CACNA1C: variants seen among roughly 807,000 people sequenced by gnomAD.
CACNA1C encodes the protein calcium voltage-gated channel subunit alpha1 C, also known as voltage-dependent L-type calcium channel subunit alpha-1C.
A neutral mutation model predicts 229.0 loss-of-function variants in CACNA1C; 30 were observed. The observed-to-expected ratio is 0.13, with a 90% CI of 0.10 to 0.18. The LOEUF (loss-of-function observed/expected upper bound fraction) is 0.18. Ranked by LOEUF, CACNA1C falls within the 10% of genes least tolerant of loss-of-function variation. The probability of loss-of-function intolerance (pLI) is 1.00; values close to 1 mark genes in which losing one functional copy is unlikely to be tolerated. For synonymous variants in CACNA1C, 1,114 were observed against 1,132.5 expected (o/e 0.98, Z 0.33); for missense variants, 1,658 against 2,845.0 (o/e 0.58, Z 9.49).
At position 2,692,617 on chromosome 12, in the gene CACNA1C, CATTTA is replaced by C. The variant is rs1211175169; in HGVS notation, c.*1420_*1424del. The C allele has an allele frequency of 1.1e-4, 17 of 152,570 alleles. No homozygotes were observed. The highest frequency in any genetic ancestry group is 9.8e-4 in the Admixed American group (15 of 15,276). The allele number at this position is 152,570 out of a possible 1,614,324, so 9.5% of individuals were successfully genotyped here. ...TATGCAAAAACAATGCAATAATATTCATTTAAAAATACAATTGTGAGTTGTGTTGG... is the reference window on the plus strand; with the variant it reads ...TATGCAAAAACAATGCAATAATATTCAAAATACAATTGTGAGTTGTGTTGG... On this transcript the variant is annotated 3_prime_UTR_variant, in exon 47 of 47. Transcript: ENST00000399655.
chr12:2,022,615 T>C (rs2046656440), intron 1 of CACNA1C, among the ~76,000 whole-genome samples: 1 of 151,748 alleles, frequency 6.6e-6, no homozygotes, highest in African/African-American at 2.4e-5. Context: ...AGCTAATTTT[T>C]GTATTTTTTG....
intron 3 of CACNA1C, among the ~76,000 whole-genome samples, chr12:2,260,134 T>TG (rs1336764165): frequency 6.6e-6 from 1 of 152,134 alleles, no homozygotes; most frequent in African/African-American, 2.4e-5. Flanking sequence ...AATTCCCTGC[T>TG]GTGGGGGGCA....
At chr12:2,098,013 A>G (rs970667942) in intron 1 of CACNA1C, among the ~76,000 whole-genome samples, 1 of 152,184 alleles carries the variant, frequency 6.6e-6, no homozygotes, top group Admixed American at 6.5e-5. Flanking sequence ...TCCTCATTCT[A>G]TGGAAGAGAT....
At chr12:2,109,837 C>T (rs1345287307) in intron 1 of CACNA1C, among the ~76,000 whole-genome samples, 4 of 152,158 alleles carry the variant, frequency 2.6e-5, no homozygotes, top group African/African-American at 9.7e-5. Context: ...CCCATGGTTA[C>T]ATCCAAGAAA....
chr12:2,224,480 C>G (rs895502701), intron 3 of CACNA1C, among the ~76,000 whole-genome samples: 3 of 152,226 alleles, frequency 2.0e-5, no homozygotes, highest in African/African-American at 7.2e-5. Flanking sequence ...TGTACATGAG[C>G]TCCCACATTC....
chr12:2,477,927 A>C lies in CACNA1C; in HGVS notation c.758-8177A>C, dbSNP rs368610930. Among the ~76,000 whole-genome samples, 4 of 152,028 alleles carry C rather than the reference A, an allele frequency of 2.6e-5. No individual in the cohort carries two copies. The East Asian group carries it at 7.7e-4, about 29-fold the overall frequency. ...GTGGGACAACCTCGTAGAAATATCT[A>C]GTAGGCTTATGAAGCATGTCTTGAA... On this transcript the variant is annotated intron_variant, in intron 5 of 46. Transcript: ENST00000399655.
intron 34 of CACNA1C, 99 bp from the exon 35 acceptor site, chr12:2,664,726 C>T: frequency 1.0e-6 from 1 of 972,010 alleles, no homozygotes; most frequent in Non-Finnish European, 1.4e-6. Flanking sequence ...GTAACTCCCT[C>T]TGGGGAAGGA....
chr12:2,349,175 T>C (rs1428496243), intron 3 of CACNA1C, among the ~76,000 whole-genome samples: 1 of 152,186 alleles, frequency 6.6e-6, no homozygotes, highest in African/African-American at 2.4e-5. Flanking sequence ...TCTGCTCTAA[T>C]AGCATGTTCC....
chr12:2,347,172 T>C (rs2097064366), intron 3 of CACNA1C, among the ~76,000 whole-genome samples: 1 of 152,206 alleles, frequency 6.6e-6, no homozygotes, highest in Admixed American at 6.5e-5. Flanking sequence ...GCCATGTGTA[T>C]GCAGCTAGCA....
chr12:2,416,103 C>T (rs1317154390), intron 3 of CACNA1C, among the ~76,000 whole-genome samples: 1 of 152,192 alleles, frequency 6.6e-6, no homozygotes, highest in Non-Finnish European at 1.5e-5. Flanking sequence ...GCTCCAGTGC[C>T]TCCTTCTCAG....
At chr12:2,360,515 C>G (rs868421637) in intron 3 of CACNA1C, among the ~76,000 whole-genome samples, 1 of 152,336 alleles carries the variant, frequency 6.6e-6, no homozygotes, top group African/African-American at 2.4e-5. Flanking sequence ...TGGACTTCAC[C>G]AGCAGTCACT....
intron 3 of CACNA1C, among the ~76,000 whole-genome samples, chr12:2,205,579 G>A (rs1014907648): frequency 2.6e-5 from 4 of 152,200 alleles, no homozygotes; most frequent in Non-Finnish European, 4.4e-5. Flanking sequence ...TAAACTGCAT[G>A]AGTTGGGGTC....
chr12:2,580,949 G>A (rs1186715637), intron 13 of CACNA1C, among the ~76,000 whole-genome samples: 3 of 152,200 alleles, frequency 2.0e-5, no homozygotes, highest in African/African-American at 7.2e-5. Flanking sequence ...AATCTCAAGA[G>A]GAAAGGCCCT....
intron 3 of CACNA1C, among the ~76,000 whole-genome samples, chr12:2,211,837 G>A (rs1188099224): frequency 6.7e-6 from 1 of 150,142 alleles, no homozygotes; most frequent in Non-Finnish European, 1.5e-5. Context: ...TCCTGCCTCA[G>A]CCTCCCGAGT....
intron 1 of CACNA1C, among the ~76,000 whole-genome samples, chr12:2,000,664 T>C (rs543678134): frequency 4.6e-5 from 7 of 152,328 alleles, no homozygotes; most frequent in African/African-American, 7.2e-5. Context: ...AATCACAACC[T>C]GGGACCTGTA....
intron 1 of CACNA1C, among the ~76,000 whole-genome samples, chr12:2,033,449 A>G (rs557380101): frequency 5.3e-5 from 8 of 152,268 alleles, no homozygotes; most frequent in African/African-American, 1.7e-4. Flanking sequence ...TTCAAAACAC[A>G]TAAGGCCGAC....
At chr12:2,382,893 T>A (rs2098283158) in intron 3 of CACNA1C, among the ~76,000 whole-genome samples, 2 of 151,808 alleles carry the variant, frequency 1.3e-5, no homozygotes, top group Admixed American at 1.3e-4. Flanking sequence ...TTCTTGAGAG[T>A]CCCACAGGAT....
At chr12:2,366,241 C>A (rs1392185358) in intron 3 of CACNA1C, among the ~76,000 whole-genome samples, 1 of 152,164 alleles carries the variant, frequency 6.6e-6, no homozygotes, top group Non-Finnish European at 1.5e-5. Flanking sequence ...CTTCACTGAA[C>A]AGGTGTGATT....
At position 2,423,174 on chromosome 12, in the gene CACNA1C, TG is replaced by T. The variant is rs780125448; in HGVS notation, c.478-25801del. Among the ~76,000 whole-genome samples the T allele has an allele frequency of 4.5e-4, 69 of 152,076 alleles. 1 individual carries two copies. The South Asian group carries it at 4.6e-3, about 10-fold the overall frequency. On this transcript the variant is annotated intron_variant, in intron 3 of 46. Transcript: ENST00000399655. Reference sequence around the variant, plus strand: ...GGTAACTTTGTGAGAGGGCCCTCTCTGCTCCAGAGTGAAGCTGCACTTTGGG... The same window carrying T: ...GGTAACTTTGTGAGAGGGCCCTCTCTCTCCAGAGTGAAGCTGCACTTTGGG...
Sources: gnomAD v4.1 joint callset for allele counts (sites outside exome capture counted in the v4.1 genomes callset) on GRCh38, gnomAD v4.1.1 for gene constraint, MANE v1.5 for transcripts, NCBI Gene and HGNC (gene_info 2026-07-23, HGNC 2026-07-21) for gene names.